ARMC3: variants seen among roughly 807,000 people sequenced by gnomAD.
ARMC3 encodes the protein armadillo repeat-containing protein 3.
A neutral mutation model predicts 90.3 loss-of-function variants in ARMC3; 74 were observed. The observed-to-expected ratio is 0.82, with a 90% CI of 0.68 to 0.99. The LOEUF (loss-of-function observed/expected upper bound fraction) is 0.99. ARMC3 is among the 50% of genes least tolerant of loss of function. The pLI, the probability that ARMC3 is intolerant of heterozygous loss-of-function variation, is 0.00. For missense variants in ARMC3, 958 were observed against 1,042.8 expected, an observed-to-expected ratio of 0.92 and a Z score of 1.12; for synonymous variants, 334 against 361.8, an observed-to-expected ratio of 0.92 and a Z score of 0.87.
chr10:22,961,764 A>G (rs761040358), intron 6 of ARMC3, 120 bp from the exon 7 acceptor site: 40 of 774,416 alleles, frequency 5.2e-5, no homozygotes, highest in Non-Finnish European at 7.8e-5. Flanking sequence ...TTGGAAGGGA[A>G]TCTGGAATAA....
intron 16 of ARMC3, among the ~76,000 whole-genome samples, chr10:23,010,442 TCTCCTTCCTTTCCCTCCTCC>T (rs1353600778): frequency 5.6e-4 from 2 of 3,590 alleles, no homozygotes; most frequent in African/African-American, 1.8e-3. Flanking sequence ...TTCCCTCCCC[TCTCCTTCCTTTCCCTCCTCC>T]CTCCTTCCTT....
intron 8 of ARMC3, among the ~76,000 whole-genome samples, chr10:22,973,439 A>T (rs1446034165): frequency 6.6e-6 from 1 of 151,098 alleles, no homozygotes; most frequent in Non-Finnish European, 1.5e-5. Flanking sequence ...CAAGTGTTCT[A>T]TTAAATCTTG....
chr10:22,988,845 T>C (rs184390834), intron 10 of ARMC3, among the ~76,000 whole-genome samples: 56 of 152,352 alleles, frequency 3.7e-4, no homozygotes, highest in African/African-American at 1.3e-3. Context: ...AGAATACTTT[T>C]TACTAAAGAA....
chr10:23,027,545 G>A (rs1838760867), intron 16 of ARMC3, among the ~76,000 whole-genome samples: 1 of 152,132 alleles, frequency 6.6e-6, no homozygotes, highest in South Asian at 2.1e-4. Flanking sequence ...TTCCTTGGGA[G>A]TTTCTACATA....
Position 22,984,744 on chromosome 10 carries a change from TA to T in ARMC3, c.1175+3045del, listed in dbSNP as rs753364952. On this transcript the variant is annotated intron_variant, in intron 10 of 18. Coordinates refer to ENST00000298032, the MANE Select transcript of ARMC3 (RefSeq NM_173081.5). ...ATGCCAAAAGATCTTACCCATTTGG[TA>T]TTCATGAATGAGGTTTCTTAGATAC... is the stretch of plus-strand genomic sequence containing the variant. 7.2e-4 allele frequency among the ~76,000 whole-genome samples: 110 copies of T among 152,310 alleles called. 1 individual carries two copies. The highest frequency in any genetic ancestry group is 2.1e-4 in the Non-Finnish European group (14 of 68,032).
Position 23,025,210 on chromosome 10 carries a change from A to T in ARMC3, c.2046-5386A>T, listed in dbSNP as rs114803981. Among the ~76,000 whole-genome samples, 1,129 of 152,248 alleles carry T rather than the reference A, an allele frequency of 7.4e-3. 9 individuals carry two copies. Among genetic ancestry groups the T allele is most frequent in the African/African-American group, 0.026 (1,085 of 41,564 alleles). ...AACTGGTAGAACTTCTAGGTGGAAA[A>T]TTTGCAGGGATACAGAAGATTTCAG... On this transcript the variant is annotated intron_variant, in intron 16 of 18. Coordinates refer to ENST00000298032, the MANE Select transcript of ARMC3 (RefSeq NM_173081.5).
chr10:22,942,277 C>T (rs745341198), intron 2 of ARMC3, among the ~76,000 whole-genome samples: 24 of 152,118 alleles, frequency 1.6e-4, no homozygotes, highest in Non-Finnish European at 3.2e-4. Context: ...TACCAAGAAC[C>T]CCTCAGAGCC....
chr10:22,972,286 T>C (rs11013217), intron 8 of ARMC3, among the ~76,000 whole-genome samples: 9,386 of 152,278 alleles, frequency 0.062, 409 homozygotes, highest in Middle Eastern at 0.12. Context: ...TTGCCCTATG[T>C]TTTCTTCTAG....
chr10:23,036,811 G>A (rs1483735607), intron 18 of ARMC3, among the ~76,000 whole-genome samples: 1 of 152,216 alleles, frequency 6.6e-6, no homozygotes, highest in East Asian at 1.9e-4. Flanking sequence ...CCTAGGACCA[G>A]GCACCCACAG....
At position 22,981,553 on chromosome 10, in the gene ARMC3, G is replaced by A. The variant is rs148061073; in HGVS notation, c.1070-42G>A. The A allele has an allele frequency of 3.8e-3, 6,207 of 1,613,092 alleles. 21 individuals are homozygous for A. The highest frequency in any genetic ancestry group is 4.7e-3 in the Non-Finnish European group (5,488 of 1,179,120). On this transcript the variant is annotated intron_variant, in intron 9 of 18. Coordinates refer to ENST00000298032, the MANE Select transcript of ARMC3 (RefSeq NM_173081.5). ...TAGGTTACCGTATTTTAGTGCACAT[G>A]GGCATTTTAAAAGTCACATTTTTAC...
intron 2 of ARMC3, among the ~76,000 whole-genome samples, chr10:22,935,868 T>C (rs1008322561): frequency 2.6e-5 from 4 of 152,232 alleles, no homozygotes; most frequent in Non-Finnish European, 4.4e-5. Flanking sequence ...ATATTCTCTA[T>C]TGAAAGTTCC....
At chr10:22,975,585 G>T (rs187651438) in intron 8 of ARMC3, among the ~76,000 whole-genome samples, 5 of 152,146 alleles carry the variant, frequency 3.3e-5, no homozygotes, top group Admixed American at 3.3e-4. Context: ...AAAATGAAAA[G>T]CTTATCTATG....
chr10:23,001,459 C>T lies in ARMC3; in HGVS notation c.1426-460C>T, dbSNP rs80045458. ...CCTCTTATAAAGATCCTTGTGATTA[C>T]ACTGAACCCTCCTGGCTAATCCAGG... On this transcript the variant is annotated intron_variant, in intron 11 of 18. Coordinates refer to ENST00000298032, the MANE Select transcript of ARMC3 (RefSeq NM_173081.5). Among the ~76,000 whole-genome samples, 18 of 152,272 alleles carry T rather than the reference C, an allele frequency of 1.2e-4. No individual in the cohort carries two copies. In the East Asian group the frequency reaches 3.3e-3, roughly 28 times the overall value.
chr10:22,956,719 G>A lies in ARMC3; in HGVS notation c.292+787G>A, dbSNP rs191756470. 3.4e-4 allele frequency among the ~76,000 whole-genome samples: 51 copies of A among 147,842 alleles called. No individual in the cohort carries two copies. The East Asian group carries it at 9.4e-3, about 27-fold the overall frequency. Reference sequence around the variant, plus strand: ...ATATATATTGAATAATATTAATCATGTGTACATAATTAACATTAATATGTG... The same window carrying A: ...ATATATATTGAATAATATTAATCATATGTACATAATTAACATTAATATGTG... On this transcript the variant is annotated intron_variant, in intron 4 of 18. Transcript: ENST00000298032.
At chr10:23,024,239 A>G (rs1477327906) in intron 16 of ARMC3, among the ~76,000 whole-genome samples, 1 of 152,208 alleles carries the variant, frequency 6.6e-6, no homozygotes, top group Non-Finnish European at 1.5e-5. Context: ...TTCTTCAGCA[A>G]TGAAGAAGAC....
intron 14 of ARMC3, among the ~76,000 whole-genome samples, chr10:23,007,734 T>G (rs1837696651): frequency 6.7e-6 from 1 of 149,554 alleles, no homozygotes; most frequent in South Asian, 2.1e-4. Context: ...GAGCGAGAGA[T>G]CGTGTATATC....
rs375181290 is a variant in ARMC3 at position 22,978,107 on chromosome 10, C to G, written c.917-3233C>G. 1.8e-4 allele frequency among the ~76,000 whole-genome samples: 28 copies of G among 152,312 alleles called. No homozygotes were observed. The East Asian group carries it at 4.4e-3, about 24-fold the overall frequency. ...CTTAACTCTTATTATCTGGCCAGAT[C>G]TACCATATCCACCTCTTCCTCCTGC... On this transcript the variant is annotated intron_variant, in intron 8 of 18. Coordinates refer to ENST00000298032, the MANE Select transcript of ARMC3 (RefSeq NM_173081.5).
At chr10:22,989,294 CT>C (rs1397545017) in intron 10 of ARMC3, among the ~76,000 whole-genome samples, 2 of 152,168 alleles carry the variant, frequency 1.3e-5, no homozygotes, top group East Asian at 3.8e-4. Flanking sequence ...TTGTGTTTGA[CT>C]TTGTCCCCTA....
At chr10:22,957,158 C>G (rs1834975835) in intron 4 of ARMC3, among the ~76,000 whole-genome samples, 1 of 152,144 alleles carries the variant, frequency 6.6e-6, no homozygotes, top group Non-Finnish European at 1.5e-5. Flanking sequence ...AACACAAGCA[C>G]GGATTCTTTC....
Sources: gnomAD v4.1 joint callset for allele counts (sites outside exome capture counted in the v4.1 genomes callset) on GRCh38, gnomAD v4.1.1 for gene constraint, MANE v1.5 for transcripts, NCBI Gene and HGNC (gene_info 2026-07-23, HGNC 2026-07-21) for gene names.